RNF175: variants seen among roughly 807,000 people sequenced by gnomAD.
RNF175 encodes the protein ring finger protein 175.
RNF175 carries 38 observed loss-of-function variants against 50.0 expected under a neutral mutation model. That is an observed-to-expected ratio of 0.76 (90% CI 0.59 to 1.00). The LOEUF is 1.00. RNF175 is among the 50% of genes least tolerant of loss of function. The probability of loss-of-function intolerance (pLI) is 0.00; values close to 1 mark genes in which losing one functional copy is unlikely to be tolerated. For synonymous variants in RNF175, 155 were observed against 146.1 expected (o/e 1.06, Z -0.44); for missense variants, 388 against 409.6 (o/e 0.95, Z 0.46).
At chr4:153,718,238 G>GTTTTTTTTTTTTTTTTT (rs1430601897) in intron 6 of RNF175, among the ~76,000 whole-genome samples, 1 of 82,150 alleles carries the variant, frequency 1.2e-5, no homozygotes, top group Non-Finnish European at 2.3e-5. Flanking sequence ...TTGTTTGTTT[G>GTTTTTTTTTTTTTTTTT]TTTTTTTTTT....
At chr4:153,752,704 A>G (rs1234618580) in intron 1 of RNF175, among the ~76,000 whole-genome samples, 1 of 152,222 alleles carries the variant, frequency 6.6e-6, no homozygotes, top group African/African-American at 2.4e-5. Flanking sequence ...TTTAAAATAA[A>G]ATACATTATA....
At chr4:153,712,639 T>A (rs1418296690) in intron 7 of RNF175, 63 bp from the exon 8 acceptor site, 1 of 1,074,018 alleles carries the variant, frequency 9.3e-7, no homozygotes. Context: ...CATGATGGCA[T>A]GGAATGGTCC....
At chr4:153,718,969 AAATTT>A (rs1490297795) in intron 6 of RNF175, among the ~76,000 whole-genome samples, 12 of 152,172 alleles carry the variant, frequency 7.9e-5, no homozygotes, top group Non-Finnish European at 1.3e-4. Context: ...TAAAAAAATT[AAATTT>A]AATTTAAAAT....
At chr4:153,739,585 G>GGTAATGAATTCCTCA (rs1487043203) in intron 3 of RNF175, among the ~76,000 whole-genome samples, 3 of 152,078 alleles carry the variant, frequency 2.0e-5, no homozygotes, top group Non-Finnish European at 2.9e-5. Flanking sequence ...CAGAACTACT[G>GGTAATGAATTCCTCA]GTAATGAATT....
chr4:153,716,213 C>G (rs1737919404), intron 6 of RNF175, among the ~76,000 whole-genome samples: 1 of 152,160 alleles, frequency 6.6e-6, no homozygotes, highest in South Asian at 2.1e-4. Flanking sequence ...AAGCACATTG[C>G]CAATTATAAC....
chr4:153,756,256 A>G (rs1483525801), intron 1 of RNF175, among the ~76,000 whole-genome samples: 2 of 152,030 alleles, frequency 1.3e-5, no homozygotes, highest in African/African-American at 2.4e-5. Flanking sequence ...AATCTCTTAT[A>G]TCTTTCTTTT....
chr4:153,753,314 C>G (rs538124130), intron 1 of RNF175, among the ~76,000 whole-genome samples: 2 of 151,946 alleles, frequency 1.3e-5, no homozygotes, highest in East Asian at 3.9e-4. Context: ...TTGGTGGCCC[C>G]CACACTAGCA....
chr4:153,716,128 C>G (rs150732519), intron 6 of RNF175, among the ~76,000 whole-genome samples: 2 of 151,378 alleles, frequency 1.3e-5, no homozygotes, highest in African/African-American at 4.9e-5. Context: ...TGTGAGACAC[C>G]GTTTCCTGTA....
At chr4:153,755,616 A>G (rs544441099) in intron 1 of RNF175, among the ~76,000 whole-genome samples, 1 of 152,134 alleles carries the variant, frequency 6.6e-6, no homozygotes, top group African/African-American at 2.4e-5. Context: ...AAGAGAAAAT[A>G]TAAGAATATT....
chr4:153,716,952 G>A (rs898474249), intron 6 of RNF175, among the ~76,000 whole-genome samples: 1 of 152,206 alleles, frequency 6.6e-6, no homozygotes, highest in African/African-American at 2.4e-5. Flanking sequence ...GTAGACTAGT[G>A]ATTTTGCCAA....
chr4:153,713,264 C>T (rs956042724), intron 7 of RNF175: 2 of 152,232 alleles, frequency 1.3e-5, no homozygotes, highest in Non-Finnish European at 2.9e-5. Flanking sequence ...GCACCAGGGA[C>T]TTACTCTAGT....
In RNF175 at chr4:153,751,445, T is replaced by C; in HGVS notation, c.97A>G (p.Thr33Ala). 6.4e-7 allele frequency: 1 copy of C among 1,553,178 alleles called. No individual in the cohort carries two copies. Among genetic ancestry groups the C allele is most frequent in the Non-Finnish European group, 8.7e-7 (1 of 1,146,818 alleles). ...LSHTKLSAED[T>A]WNLQQERMYK... is the part of the protein sequence containing the mutation. ...AAAATACTAATTACTTACTTCCATG[T>C]GTCTTCTGCAGAAAGCTTTGTATGA... Residue 33 changes from threonine to alanine, a missense_variant, in exon 2 of 9, where the codon ACA (threonine) becomes GCA (alanine). Physicochemically the swap from Thr to Ala is moderately conservative, Grantham distance 58. Transcript: ENST00000347063.
intron 1 of RNF175, among the ~76,000 whole-genome samples, chr4:153,754,788 A>C (rs6535948): frequency 6.6e-6 from 1 of 152,138 alleles, no homozygotes; most frequent in African/African-American, 2.4e-5. Context: ...AGCAGGAACC[A>C]GAGGGATGCA....
At chr4:153,717,998 G>A (rs1738053595) in intron 6 of RNF175, among the ~76,000 whole-genome samples, 1 of 152,056 alleles carries the variant, frequency 6.6e-6, no homozygotes, top group Admixed American at 6.5e-5. Flanking sequence ...CATTTCCTGT[G>A]CTTCACCTAT....
At chr4:153,734,393 G>A (rs1739217680) in intron 3 of RNF175, among the ~76,000 whole-genome samples, 2 of 152,278 alleles carry the variant, frequency 1.3e-5, no homozygotes, top group East Asian at 3.9e-4. Flanking sequence ...TCTAATAGGT[G>A]TGTAGTGTTA....
chr4:153,757,186 T>G (rs1268424404), intron 1 of RNF175, among the ~76,000 whole-genome samples: 2 of 152,146 alleles, frequency 1.3e-5, no homozygotes, highest in Non-Finnish European at 2.9e-5. Context: ...AGGACACCCT[T>G]TCGGTGAGGC....
Position 153,712,571 on chromosome 4 carries a change from T to A in RNF175, c.770A>T (p.His257Leu), listed in dbSNP as rs369435966. The A allele has an allele frequency of 6.2e-7, 1 of 1,608,968 alleles. No homozygotes were observed. Among genetic ancestry groups the A allele is most frequent in the Non-Finnish European group, 8.5e-7 (1 of 1,175,808 alleles). The stretch of plus-strand genomic sequence containing the variant: ...ACACCAACCTCGGATGCAGAATTCA[T>A]GAAAGCTGAAGCATCTTGTTAGGGA... ...TYQLSCNHVF[H>L]EFCIRGWCIV... is the part of the protein sequence containing the mutation. The change falls in exon 8 of 9, where the codon CAT becomes CTT. Residue 257 changes from histidine (H) to leucine (L), a missense_variant. His to Leu is a moderately conservative substitution (Grantham distance 99). Transcript: ENST00000347063.
chr4:153,743,432 A>G (rs1739790132), intron 3 of RNF175, among the ~76,000 whole-genome samples: 1 of 152,192 alleles, frequency 6.6e-6, no homozygotes, highest in South Asian at 2.1e-4. Flanking sequence ...ACCAATAATT[A>G]GATGGATTGA....
intron 2 of RNF175, 51 bp downstream of exon 2, chr4:153,751,387 T>A: frequency 7.8e-7 from 1 of 1,279,236 alleles, no homozygotes; most frequent in Non-Finnish European, 1.1e-6. Context: ...ACTGTTAAGA[T>A]AAAAATCTAA....
Sources: gnomAD v4.1 joint callset for allele counts (sites outside exome capture counted in the v4.1 genomes callset) on GRCh38, gnomAD v4.1.1 for gene constraint, MANE v1.5 for transcripts, NCBI Gene and HGNC (gene_info 2026-07-23, HGNC 2026-07-21) for gene names.